The following PLCL1 variants were observed in gnomAD, a reference collection of about 807,000 sequenced individuals.
PLCL1 encodes inactive phospholipase C-like protein 1.
PLCL1 carries 41 observed loss-of-function variants against 84.4 expected under a neutral mutation model. That is an observed-to-expected ratio of 0.49 (90% CI 0.38 to 0.63). The LOEUF (loss-of-function observed/expected upper bound fraction) is 0.63, where lower values mean the gene tolerates loss of function less well. PLCL1 is among the 30% of genes least tolerant of loss of function. The pLI, the probability that PLCL1 is intolerant of heterozygous loss-of-function variation, is 0.00. For missense variants in PLCL1, 1,206 were observed against 1,367.8 expected, an observed-to-expected ratio of 0.88 and a Z score of 1.87; for synonymous variants, 490 against 488.3, an observed-to-expected ratio of 1.00 and a Z score of -0.05.
intron 1 of PLCL1, among the ~76,000 whole-genome samples, chr2:198,027,322 G>C (rs1480305595): frequency 6.6e-6 from 1 of 152,158 alleles, no homozygotes; most frequent in African/African-American, 2.4e-5. Flanking sequence ...TGGAAGCAAA[G>C]ACTAGAATGG....
chr2:198,118,744 G>T (rs1036863718), intron 5 of PLCL1, among the ~76,000 whole-genome samples: 2 of 151,958 alleles, frequency 1.3e-5, no homozygotes, highest in Non-Finnish European at 2.9e-5. Flanking sequence ...ACCGTAGGGG[G>T]TGCCATTCCC....
chr2:197,917,104 C>T (rs1218966516), intron 1 of PLCL1, among the ~76,000 whole-genome samples: 1 of 152,292 alleles, frequency 6.6e-6, no homozygotes, highest in Middle Eastern at 3.4e-3. Context: ...TTGACAGTTT[C>T]CTACAAAGCT....
chr2:198,002,801 T>A (rs1273005722), intron 1 of PLCL1, among the ~76,000 whole-genome samples: 1 of 152,226 alleles, frequency 6.6e-6, no homozygotes, highest in African/African-American at 2.4e-5. Flanking sequence ...GGACCTGTAT[T>A]CTGCAGGCAG....
At chr2:198,059,195 C>T (rs960472444) in intron 1 of PLCL1, among the ~76,000 whole-genome samples, 5 of 152,162 alleles carry the variant, frequency 3.3e-5, no homozygotes, top group Admixed American at 3.3e-4. Context: ...GGGGCATAGC[C>T]AACGCTCCCC....
intron 1 of PLCL1, among the ~76,000 whole-genome samples, chr2:198,017,115 T>C (rs1691016998): frequency 6.6e-6 from 1 of 152,196 alleles, no homozygotes; most frequent in South Asian, 2.1e-4. Flanking sequence ...CCCTATGCAT[T>C]GCCAAAATTG....
intron 1 of PLCL1, among the ~76,000 whole-genome samples, chr2:197,984,854 A>G (rs1690188916): frequency 6.6e-6 from 1 of 152,160 alleles, no homozygotes; most frequent in African/African-American, 2.4e-5. Flanking sequence ...AGGATAGTGA[A>G]TGGAATTTAG....
At position 198,084,439 on chromosome 2, in the gene PLCL1, T is replaced by C; in HGVS notation, c.922T>C (p.Cys308Arg). Residue 308 changes from cysteine (C) to arginine (R), a missense_variant, in exon 2 of 6, where the codon TGT becomes CGT. Transcript: ENST00000428675. The part of the protein sequence containing the change: ...VTEEEFCEAF[C>R]ELCTRPEVYF... ...CGAAGAGGAATTTTGTGAAGCTTTTTGTGAACTTTGCACCAGGCCAGAAGT... is the reference window on the plus strand; with the variant it reads ...CGAAGAGGAATTTTGTGAAGCTTTTCGTGAACTTTGCACCAGGCCAGAAGT... 6.2e-7 allele frequency: 1 copy of C among 1,614,144 alleles called. No homozygotes were observed. Among genetic ancestry groups the C allele is most frequent in the Middle Eastern group, 1.6e-4 (1 of 6,062 alleles).
intron 5 of PLCL1, among the ~76,000 whole-genome samples, chr2:198,127,633 G>A (rs1694019325): frequency 6.6e-6 from 1 of 152,132 alleles, no homozygotes; most frequent in African/African-American, 2.4e-5. Flanking sequence ...ATTTACACAG[G>A]TTGGGGATAC....
chr2:197,922,004 T>TTTG (rs1365851983), intron 1 of PLCL1, among the ~76,000 whole-genome samples: 4 of 148,214 alleles, frequency 2.7e-5, no homozygotes, highest in Non-Finnish European at 6.0e-5. Context: ...AAATTCTTTT[T>TTTG]TTTTTTTTTT....
chr2:197,896,076 CTT>C (rs1204454948), intron 1 of PLCL1, among the ~76,000 whole-genome samples: 2 of 151,938 alleles, frequency 1.3e-5, no homozygotes, highest in African/African-American at 2.4e-5. Context: ...CAAACTACTT[CTT>C]AACAAAATTG....
chr2:197,963,112 A>G (rs1330971553), intron 1 of PLCL1, among the ~76,000 whole-genome samples: 3 of 151,984 alleles, frequency 2.0e-5, no homozygotes, highest in Non-Finnish European at 4.4e-5. Flanking sequence ...TTGCTGGATC[A>G]TATGTTAGCT....
At chr2:197,811,745 A>C (rs1236854969) in intron 1 of PLCL1, among the ~76,000 whole-genome samples, 1 of 152,202 alleles carries the variant, frequency 6.6e-6, no homozygotes, top group African/African-American at 2.4e-5. Context: ...TTTGAAAGAT[A>C]ATATCTGCTT....
intron 1 of PLCL1, among the ~76,000 whole-genome samples, chr2:198,022,505 G>A (rs563955337): frequency 1.3e-5 from 2 of 152,194 alleles, no homozygotes; most frequent in East Asian, 1.9e-4. Flanking sequence ...AAACTCCATC[G>A]TCTCAGTCCA....
At chr2:198,001,583 CTTCT>C (rs2105820854) in intron 1 of PLCL1, among the ~76,000 whole-genome samples, 1 of 152,294 alleles carries the variant, frequency 6.6e-6, no homozygotes, top group South Asian at 2.1e-4. Flanking sequence ...CCCTTTCTGG[CTTCT>C]TTGACTCCTA....
intron 1 of PLCL1, among the ~76,000 whole-genome samples, chr2:197,936,645 A>G (rs1424309929): frequency 6.6e-6 from 1 of 152,140 alleles, no homozygotes; most frequent in Non-Finnish European, 1.5e-5. Flanking sequence ...TATTTTGAAT[A>G]TTAACTTCTT....
At chr2:197,946,029 GACTA>G (rs1466280784) in intron 1 of PLCL1, among the ~76,000 whole-genome samples, 4 of 152,076 alleles carry the variant, frequency 2.6e-5, no homozygotes, top group African/African-American at 9.7e-5. Flanking sequence ...TGTACAATTT[GACTA>G]TGCTAAATGC....
chr2:197,936,303 T>C (rs1442445432), intron 1 of PLCL1, among the ~76,000 whole-genome samples: 1 of 152,180 alleles, frequency 6.6e-6, no homozygotes, highest in East Asian at 1.9e-4. Flanking sequence ...CTGGATTATA[T>C]GATAATTCTA....
chr2:197,827,188 C>T (rs1690947478), intron 1 of PLCL1, among the ~76,000 whole-genome samples: 1 of 152,102 alleles, frequency 6.6e-6, no homozygotes, highest in African/African-American at 2.4e-5. Context: ...TCATTTTCTT[C>T]CTTAAAAGTT....
Position 197,805,432 on chromosome 2 carries a change from G to A in PLCL1, c.240+93G>A. The A allele has an allele frequency of 8.6e-7, 1 of 1,157,916 alleles. No homozygotes were observed. The highest frequency in any genetic ancestry group is 1.1e-6 in the Non-Finnish European group (1 of 911,564). 71.7% of individuals were successfully genotyped at this position (1,157,916 alleles called of 1,614,324 possible). A position where few individuals can be genotyped will look rare whatever the true frequency, so the allele number is the denominator to read the frequency against. ...ATGTGCGGTGTCCGGAGGCATCCGGGCTCAGCATTGTTTTCTCCCACCTCC... is the reference window on the plus strand; with the variant it reads ...ATGTGCGGTGTCCGGAGGCATCCGGACTCAGCATTGTTTTCTCCCACCTCC... On this transcript the variant is annotated intron_variant, in intron 1 of 5. Transcript: ENST00000428675. The surrounding 1 kb of genome is among the most constrained non-coding windows in gnomAD (Gnocchi z 4.0).
Sources: allele counts gnomAD v4.1 joint callset (sites outside exome capture counted in the v4.1 genomes callset), GRCh38; gene constraint gnomAD v4.1.1; non-coding constraint Gnocchi (gnomAD v3.1); transcripts MANE v1.5; gene names NCBI Gene and HGNC (gene_info 2026-07-23, HGNC 2026-07-21).